Variants in CTNNA2 observed in about 807,000 individuals in gnomAD.
CTNNA2 encodes catenin alpha 2, also known as catenin alpha-2.
In CTNNA2, 42 loss-of-function variants were observed where a neutral mutation model predicts 101.0. The ratio of observed to expected loss-of-function variants is 0.42; its 90% confidence interval spans 0.32 to 0.54. The LOEUF (loss-of-function observed/expected upper bound fraction) is 0.54, where lower values mean the gene tolerates loss of function less well. CTNNA2 is among the 20% of genes least tolerant of loss of function. The pLI is 0.14. For missense variants in CTNNA2, 871 were observed against 1,223.1 expected, an observed-to-expected ratio of 0.71 and a Z score of 4.29; for synonymous variants, 450 against 456.4, an observed-to-expected ratio of 0.99 and a Z score of 0.18.
At position 79,467,984 on chromosome 2, in the gene CTNNA2, A is replaced by C. The variant is rs1182415841; in HGVS notation, c.-134-37070A>C. On this transcript the variant is annotated intron_variant, in intron 4 of 21. Transcript: ENST00000466387. ...AACTGCATCAACTAACAAGCAAAAT[A>C]ACCAGCTAACATCATAATGACAGGA... Among the ~76,000 whole-genome samples, 5 of 152,196 alleles carry C rather than the reference A, an allele frequency of 3.3e-5. No individual in the cohort carries two copies. In the East Asian group the frequency reaches 5.8e-4, roughly 18 times the overall value.
At chr2:80,279,374 G>A (rs1674185999) in intron 7 of CTNNA2, among the ~76,000 whole-genome samples, 1 of 152,056 alleles carries the variant, frequency 6.6e-6, no homozygotes, top group Non-Finnish European at 1.5e-5. Context: ...GTCTTCTCCA[G>A]GATTGGTACT....
chr2:80,227,003 C>G (rs1020269329), intron 7 of CTNNA2, among the ~76,000 whole-genome samples: 37 of 152,158 alleles, frequency 2.4e-4, no homozygotes, highest in Non-Finnish European at 8.8e-5. Context: ...GGGTTAACAA[C>G]AGCTTTAGGA....
rs753633073 is a variant in CTNNA2, at chr2:79,311,408, C to CAAAAAAAAAAAA, written c.-405-1290_-405-1279dup. Among the ~76,000 whole-genome samples, 277 of 66,950 alleles carry CAAAAAAAAAAAA rather than the reference C, an allele frequency of 4.1e-3. 3 individuals are homozygous for CAAAAAAAAAAAA. The highest frequency in any genetic ancestry group is 6.8e-3 in the African/African-American group (128 of 18,772). 43.9% of individuals were successfully genotyped at this position (66,950 alleles called of 152,430 possible). A position where few individuals can be genotyped will look rare whatever the true frequency, so the allele number is the denominator to read the frequency against. On this transcript the variant is annotated intron_variant, in intron 2 of 21. Coordinates refer to the CTNNA2 transcript ENST00000466387. The stretch of plus-strand genomic sequence containing the variant: ...TGGGCGACAGGGCTAGACTCCGTCT[C>CAAAAAAAAAAAA]AAAAAAAAAAAAAAAAAAAAAAGAG...
At chr2:80,516,385 C>A (rs1689111026) in intron 9 of CTNNA2, among the ~76,000 whole-genome samples, 1 of 152,164 alleles carries the variant, frequency 6.6e-6, no homozygotes, top group Non-Finnish European at 1.5e-5. Context: ...TTTGCCTCAG[C>A]TGGGTACCTG....
rs77751123 is a variant in CTNNA2 at position 80,619,229 on chromosome 2, G to A, written c.2574+1G>A. 6.4e-7 allele frequency: 1 copy of A among 1,553,504 alleles called. No individual in the cohort carries two copies. Among genetic ancestry groups the A allele is most frequent in the Admixed American group, 2.0e-5 (1 of 50,870 alleles). ...GAGTGGAAGCAGTGATTCCTCCATG[G>A]TGAGTAAATTGACTTTCTAATCTAA... is the stretch of plus-strand genomic sequence containing the variant. On this transcript the variant is annotated splice_donor_variant, in intron 18 of 18. Coordinates refer to ENST00000402739, the MANE Select transcript of CTNNA2 (RefSeq NM_001282597.3). LOFTEE classifies it high-confidence loss of function.
intron 3 of CTNNA2, among the ~76,000 whole-genome samples, chr2:79,839,131 T>C (rs1679611632): frequency 6.6e-6 from 1 of 152,098 alleles, no homozygotes; most frequent in Non-Finnish European, 1.5e-5. Flanking sequence ...TGGCAGTAAG[T>C]GGTCTCATTT....
chr2:79,939,700 C>T (rs2916533), intron 7 of CTNNA2, among the ~76,000 whole-genome samples: 32,156 of 152,104 alleles, frequency 0.21, 3,550 homozygotes, highest in Middle Eastern at 0.28. Context: ...TACATGTAAA[C>T]ATCAATGAAT....
At chr2:79,430,510 A>G (rs912531118) in intron 4 of CTNNA2, among the ~76,000 whole-genome samples, 20 of 152,160 alleles carry the variant, frequency 1.3e-4, no homozygotes, top group African/African-American at 4.6e-4. Flanking sequence ...ACAAAAAATT[A>G]CACACCAACC....
At chr2:80,300,869 G>C (rs951394309) in intron 7 of CTNNA2, among the ~76,000 whole-genome samples, 1 of 151,156 alleles carries the variant, frequency 6.6e-6, no homozygotes, top group Admixed American at 6.6e-5. Flanking sequence ...TCACTCTTTA[G>C]TTCAATAGAA....
chr2:80,105,741 A>G (rs1700846745), intron 7 of CTNNA2, among the ~76,000 whole-genome samples: 1 of 152,164 alleles, frequency 6.6e-6, no homozygotes, highest in Admixed American at 6.5e-5. Flanking sequence ...CTCAAAAAAA[A>G]AAAAGATTGA....
At chr2:79,650,178 G>T (rs1388270223) in intron 1 of CTNNA2, among the ~76,000 whole-genome samples, 1 of 70,858 alleles carries the variant, frequency 1.4e-5, no homozygotes, top group African/African-American at 7.2e-5. Context: ...TTTTTCGGGG[G>T]GGGGGGGGGA....
chr2:79,377,076 G>T (rs1455982391), intron 4 of CTNNA2, among the ~76,000 whole-genome samples: 3 of 151,218 alleles, frequency 2.0e-5, no homozygotes, highest in African/African-American at 7.3e-5. Flanking sequence ...CTTCCACAAT[G>T]GTTGAACTAG....
At chr2:80,458,479 T>C (rs1358122950) in intron 9 of CTNNA2, among the ~76,000 whole-genome samples, 1 of 152,228 alleles carries the variant, frequency 6.6e-6, no homozygotes, top group Non-Finnish European at 1.5e-5. Context: ...ATATGTAGAC[T>C]ATTGACATAC....
chr2:80,156,665 G>A (rs1036018866), intron 7 of CTNNA2, among the ~76,000 whole-genome samples: 4 of 152,172 alleles, frequency 2.6e-5, no homozygotes, highest in East Asian at 1.9e-4. Flanking sequence ...GCTGAGCTTC[G>A]CTCCTCATTA....
At chr2:79,916,359 C>T (rs763953329) in intron 7 of CTNNA2, among the ~76,000 whole-genome samples, 3 of 151,894 alleles carry the variant, frequency 2.0e-5, no homozygotes, top group South Asian at 2.1e-4. Flanking sequence ...GTTTTCCTTG[C>T]GTTTTTCTTA....
At chr2:80,557,429 A>T (rs1693141763) in intron 12 of CTNNA2, among the ~76,000 whole-genome samples, 2 of 152,174 alleles carry the variant, frequency 1.3e-5, no homozygotes, top group South Asian at 4.1e-4. Context: ...TCTGTGGCTT[A>T]CAGTTCCCAG....
At chr2:80,196,253 A>G (rs1706825970) in intron 7 of CTNNA2, among the ~76,000 whole-genome samples, 1 of 152,132 alleles carries the variant, frequency 6.6e-6, no homozygotes, top group Admixed American at 6.5e-5. Flanking sequence ...TGGGTCTCAT[A>G]GCTTTCATCT....
chr2:79,988,999 G>T (rs1225567829), intron 7 of CTNNA2, among the ~76,000 whole-genome samples: 3 of 152,158 alleles, frequency 2.0e-5, no homozygotes, highest in Non-Finnish European at 4.4e-5. Flanking sequence ...GTGGATCATT[G>T]TTTGGTTAAT....
intron 7 of CTNNA2, among the ~76,000 whole-genome samples, chr2:80,291,185 T>C (rs1675206048): frequency 6.6e-6 from 1 of 152,218 alleles, no homozygotes; most frequent in Non-Finnish European, 1.5e-5. Flanking sequence ...TCTAAAGACG[T>C]TGGAGTCTTT....
Sources: allele counts gnomAD v4.1 joint callset (sites outside exome capture counted in the v4.1 genomes callset), GRCh38; gene constraint gnomAD v4.1.1; transcripts MANE v1.5; gene names NCBI Gene and HGNC (gene_info 2026-07-23, HGNC 2026-07-21).